The following SRFBP1 variants were observed in gnomAD, a reference collection of about 807,000 sequenced individuals.
SRFBP1 encodes the protein serum response factor-binding protein 1.
SRFBP1 carries 47 observed loss-of-function variants against 45.5 expected under a neutral mutation model. The observed-to-expected ratio is 1.03, with a 90% CI of 0.82 to 1.32. The LOEUF is 1.32. Among genes scored for constraint, SRFBP1 ranks in the 40% most tolerant of loss-of-function variants. The pLI is 0.00. For missense variants in SRFBP1, 621 were observed against 484.6 expected (o/e 1.28, Z -2.64); for synonymous variants, 203 against 166.3 (o/e 1.22, Z -1.70).
chr5:121,987,699 C>T (rs1027408320), intron 3 of SRFBP1, among the ~76,000 whole-genome samples: 1 of 152,164 alleles, frequency 6.6e-6, no homozygotes, highest in African/African-American at 2.4e-5. Context: ...ATTTTGATCA[C>T]ACTTTGGAAA....
intron 4 of SRFBP1, among the ~76,000 whole-genome samples, chr5:122,013,011 C>G (rs928026709): frequency 2.0e-5 from 3 of 152,094 alleles, no homozygotes; most frequent in African/African-American, 7.2e-5. Flanking sequence ...TTACTTACCA[C>G]CTCTGACTCT....
intron 2 of SRFBP1, among the ~76,000 whole-genome samples, chr5:122,036,825 T>C (rs1243228533): frequency 6.6e-6 from 1 of 152,094 alleles, no homozygotes; most frequent in Non-Finnish European, 1.5e-5. Flanking sequence ...TTGCTGATTG[T>C]AATCTATATC....
intron 2 of SRFBP1, among the ~76,000 whole-genome samples, chr5:122,058,788 G>A (rs1444348696): frequency 6.6e-6 from 1 of 152,090 alleles, no homozygotes; most frequent in Non-Finnish European, 1.5e-5. Flanking sequence ...CCCCAAAGCA[G>A]TGGTAAATTT....
At chr5:121,983,333 A>G (rs1407054141) in intron 3 of SRFBP1, among the ~76,000 whole-genome samples, 1 of 151,780 alleles carries the variant, frequency 6.6e-6, no homozygotes, top group African/African-American at 2.4e-5. Context: ...TCTTCAGACT[A>G]ATGTAATTGC....
chr5:121,963,545 GTTC>G (rs1193761010), intron 1 of SRFBP1, among the ~76,000 whole-genome samples: 1 of 152,052 alleles, frequency 6.6e-6, no homozygotes, highest in African/African-American at 2.4e-5. Context: ...GCTAACTTTT[GTTC>G]TTCTTCAAAA....
intron 2 of SRFBP1, among the ~76,000 whole-genome samples, chr5:122,071,021 T>C (rs955354457): frequency 1.7e-4 from 26 of 152,134 alleles, no homozygotes; most frequent in Admixed American, 1.4e-3. Flanking sequence ...ATACTTTTTA[T>C]TGTGGATAGC....
intron 4 of SRFBP1, among the ~76,000 whole-genome samples, chr5:122,008,568 TTTGTTGTTG>T (rs1008252039): frequency 6.6e-6 from 1 of 152,110 alleles, no homozygotes; most frequent in Non-Finnish European, 1.5e-5. Context: ...TCAATGTGTT[TTTGTTGTTG>T]TTGTTGTTTT....
intron 6 of SRFBP1, 70 bp downstream of exon 6, chr5:122,020,872 C>A: frequency 7.5e-7 from 1 of 1,331,326 alleles, no homozygotes; most frequent in Non-Finnish European, 1.0e-6. Context: ...TCTACTTGTC[C>A]ATACATGAAG....
At chr5:122,044,246 T>C (rs1404098829) in intron 2 of SRFBP1, among the ~76,000 whole-genome samples, 1 of 152,230 alleles carries the variant, frequency 6.6e-6, no homozygotes, top group Non-Finnish European at 1.5e-5. Context: ...TTATCGAGTC[T>C]AACATTGGTG....
intron 1 of SRFBP1, among the ~76,000 whole-genome samples, chr5:121,962,422 T>C (rs942239953): frequency 6.6e-6 from 1 of 152,206 alleles, no homozygotes; most frequent in African/African-American, 2.4e-5. Context: ...GCCTGACCCT[T>C]AATAAACTTT....
chr5:122,020,886 C>CT (rs1474241221), intron 6 of SRFBP1, 84 bp downstream of exon 6: 1 of 1,251,312 alleles, frequency 8.0e-7, no homozygotes, highest in Non-Finnish European at 1.1e-6. Flanking sequence ...CATGAAGAGA[C>CT]TATAATTCTA....
At chr5:122,054,933 C>T (rs149831666) in intron 2 of SRFBP1, among the ~76,000 whole-genome samples, 62 of 152,310 alleles carry the variant, frequency 4.1e-4, no homozygotes, top group African/African-American at 1.4e-3. Flanking sequence ...TGTAATACCA[C>T]CCAAATCGTT....
downstream of SRFBP1, chr5:122,077,031 G>C (rs1561420852): frequency 6.2e-7 from 1 of 1,609,424 alleles, no homozygotes; most frequent in Non-Finnish European, 8.5e-7. The surrounding 1 kb of genome is among the most constrained non-coding windows in gnomAD (Gnocchi z 4.9). Flanking sequence ...GGGCGCAGCA[G>C]TGAAACAACC....
chr5:122,036,754 A>C lies in SRFBP1; in HGVS notation n.311+14347A>C, dbSNP rs549245039. ...CCATATGACCCAACTGGGAGAGGAC[A>C]CCTGGAAGCTTGCCCCTGCCCCTGT... On this transcript the variant is annotated intron_variant and non_coding_transcript_variant, in intron 2 of 2. Transcript: ENST00000504881. 2.6e-5 allele frequency among the ~76,000 whole-genome samples: 4 copies of C among 152,240 alleles called. No individual in the cohort carries two copies. In the East Asian group the frequency reaches 5.8e-4, roughly 22 times the overall value.
chr5:122,065,508 C>T (rs1239619130), intron 2 of SRFBP1: 2 of 152,088 alleles, frequency 1.3e-5, no homozygotes, highest in African/African-American at 2.4e-5. Flanking sequence ...TGTCTCATTA[C>T]GCAGCACAGT....
intron 4 of SRFBP1, among the ~76,000 whole-genome samples, chr5:121,998,076 CT>C (rs1295441386): frequency 6.6e-6 from 1 of 152,028 alleles, no homozygotes; most frequent in Non-Finnish European, 1.5e-5. Context: ...GGACTGTAAA[CT>C]TAGTTCAACC....
intron 2 of SRFBP1, among the ~76,000 whole-genome samples, chr5:122,054,247 A>T (rs1054805255): frequency 3.9e-5 from 6 of 152,066 alleles, no homozygotes; most frequent in African/African-American, 1.2e-4. Context: ...GTCCAGGGGG[A>T]TTCTCCTGAT....
In SRFBP1 at chr5:122,020,569, T is replaced by C; in HGVS notation, c.834T>C (p.Asp278=). 6.2e-7 allele frequency: 1 copy of C among 1,614,116 alleles called. No individual in the cohort carries two copies. The highest frequency in any genetic ancestry group is 8.5e-7 in the Non-Finnish European group (1 of 1,179,980). Residue 278 remains aspartate (D), a synonymous_variant, in exon 6 of 8, where the codon GAT becomes GAC. Transcript: ENST00000339397. ...RFYKQSSMSE[D]SDSGDDFFIG... is the part of the protein sequence containing the mutation. Reference sequence around the variant, plus strand: ...ACAAGCAGTCTTCCATGTCTGAAGATAGTGATAGCGGTGACGACTTCTTCA... The same window carrying C: ...ACAAGCAGTCTTCCATGTCTGAAGACAGTGATAGCGGTGACGACTTCTTCA...
chr5:121,965,655 AT>A (rs1752047629), intron 1 of SRFBP1, among the ~76,000 whole-genome samples: 1 of 152,028 alleles, frequency 6.6e-6, no homozygotes, highest in African/African-American at 2.4e-5. Context: ...TTTACTTAGG[AT>A]TGTCTTGGCT....
Sources: gnomAD v4.1 joint callset for allele counts (sites outside exome capture counted in the v4.1 genomes callset) on GRCh38, gnomAD v4.1.1 for gene constraint, Gnocchi (gnomAD v3.1) non-coding constraint, MANE v1.5 for transcripts, NCBI Gene and HGNC (gene_info 2026-07-23, HGNC 2026-07-21) for gene names.